The following EEF1A2 variants were observed in gnomAD, a reference collection of about 807,000 sequenced individuals.
EEF1A2 encodes eukaryotic translation elongation factor 1 alpha 2.
EEF1A2 carries 5 observed loss-of-function variants against 39.3 expected under a neutral mutation model. The observed-to-expected ratio is 0.13, with a 90% CI of 0.07 to 0.27. The LOEUF (loss-of-function observed/expected upper bound fraction) is 0.27. Among genes scored for constraint, EEF1A2 ranks in the 10% least tolerant of loss-of-function variants. EEF1A2 has a pLI of 1.00. For missense variants in EEF1A2, 218 were observed against 681.4 expected, an observed-to-expected ratio of 0.32 and a Z score of 7.57; for synonymous variants, 287 against 293.7, an observed-to-expected ratio of 0.98 and a Z score of 0.23.
Position 63,497,598 on chromosome 20 carries a change from G to C in EEF1A2, c.144+22C>G. On this transcript the variant is annotated intron_variant, in intron 2 of 7. Transcript: ENST00000217182. This position sits in a 1 kb window ranked among gnomAD's most constrained non-coding sequence, Gnocchi z 7.3. ...TGGGGGTTCCTTCTCAGGGGGCCAA[G>C]ACCATAGCCTGGGGAGCTCACCTCA... The C allele has an allele frequency of 6.2e-7, 1 of 1,606,244 alleles. No homozygotes were observed.
Position 63,498,303 on chromosome 20 carries a change from T to C in EEF1A2, c.-71-469A>G. 1 of 151,706 alleles carries C rather than the reference T, an allele frequency of 6.6e-6. No individual in the cohort carries two copies. Among genetic ancestry groups the C allele is most frequent in the Admixed American group, 6.6e-5 (1 of 15,256 alleles). The allele number at this position is 151,706 out of a possible 1,614,324, so 9.4% of individuals were successfully genotyped here. On this transcript the variant is annotated intron_variant, in intron 1 of 7. Transcript: ENST00000217182. This position sits in a 1 kb window ranked among gnomAD's most constrained non-coding sequence, Gnocchi z 4.1. ...GGGAGAGATGGCCACTGCTCCCCAC[T>C]CCCCTCCTCAGGCAGGGACGGCGCC...
intron 5 of EEF1A2, 146 bp downstream of exon 5, chr20:63,492,991 G>T: frequency 1.8e-6 from 2 of 1,094,786 alleles, no homozygotes; most frequent in Middle Eastern, 3.2e-4. Context: ...ATGGATGGAT[G>T]GATGTGGGAT....
intron 5 of EEF1A2, among the ~76,000 whole-genome samples, chr20:63,492,595 T>C (rs1193301523): frequency 8.0e-6 from 1 of 125,736 alleles, no homozygotes; most frequent in African/African-American, 3.4e-5. Flanking sequence ...GATGGATGCA[T>C]GGATGGATGG....
At chr20:63,490,204 C>A (rs575077061) in intron 6 of EEF1A2, 7 of 353,850 alleles carry the variant, frequency 2.0e-5, no homozygotes, top group African/African-American at 1.4e-4. Context: ...ATAGCTGGGA[C>A]TACAGGCACG....
At chr20:63,491,940 GGA>G in intron 5 of EEF1A2, among the ~76,000 whole-genome samples, 1 of 134,534 alleles carries the variant, frequency 7.4e-6, no homozygotes, top group Non-Finnish European at 1.6e-5. Context: ...ATGGATGGAT[GGA>G]CGGACGGATG....
Position 63,489,049 on chromosome 20 carries a change from T to A in EEF1A2, c.1133A>T (p.Lys378Met). The part of the protein sequence containing the change: ...IACKFAELKE[K>M]IDRRSGKKLE... ...CTTCTTGCCAGAGCGCCGGTCAATC[T>A]TCTCCTTCAGCTCCGCAAACTTGCA... Residue 378 changes from lysine (K) to methionine (M), a missense_variant, in exon 7 of 8, where the codon AAG becomes ATG. Lys to Met is a moderately conservative substitution (Grantham distance 95). Transcript: ENST00000217182. 1 of 1,612,794 alleles carries A rather than the reference T, an allele frequency of 6.2e-7. No homozygotes were observed. The highest frequency in any genetic ancestry group is 8.5e-7 in the Non-Finnish European group (1 of 1,179,936).
intron 2 of EEF1A2, 54 bp from the exon 3 acceptor site, chr20:63,496,089 TG>T: frequency 6.3e-7 from 1 of 1,592,628 alleles, no homozygotes; most frequent in Non-Finnish European, 8.6e-7. Context: ...CAGGAGTCCC[TG>T]GTGGTGCGAG....
chr20:63,488,280 GC>G lies in EEF1A2; in HGVS notation c.*17del. 8.3e-7 allele frequency: 1 copy of G among 1,208,288 alleles called. No homozygotes were observed. Among genetic ancestry groups the G allele is most frequent in the African/African-American group, 1.6e-5 (1 of 61,264 alleles). The allele number at this position is 1,208,288 out of a possible 1,614,324, so 74.8% of individuals were successfully genotyped here. On this transcript the variant is annotated 3_prime_UTR_variant, in exon 8 of 8. Coordinates refer to ENST00000217182, the MANE Select transcript of EEF1A2 (RefSeq NM_001958.5). ...GCGCGGCACCGCCGGGGAGGGTCGC[GC>G]CGCGGGCGCCCGCGCTTCACTTGCC...
Position 63,497,494 on chromosome 20 carries a change from G to C in EEF1A2, c.144+126C>G. 7.0e-7 allele frequency: 1 copy of C among 1,435,426 alleles called. No individual in the cohort carries two copies. Among genetic ancestry groups the C allele is most frequent in the Non-Finnish European group, 9.3e-7 (1 of 1,072,904 alleles). 88.9% of individuals were successfully genotyped at this position (1,435,426 alleles called of 1,614,324 possible). ...GAGGCCTGAGTGCCCCACAGCGGGGGTCCCTCCTGCCCTGGAGGAGGTCAC... is the reference window on the plus strand; with the variant it reads ...GAGGCCTGAGTGCCCCACAGCGGGGCTCCCTCCTGCCCTGGAGGAGGTCAC... On this transcript the variant is annotated intron_variant, in intron 2 of 7. Coordinates refer to ENST00000217182, the MANE Select transcript of EEF1A2 (RefSeq NM_001958.5). The surrounding 1 kb of genome is among the most constrained non-coding windows in gnomAD (Gnocchi z 7.3).
At chr20:63,494,755 A>AG in intron 4 of EEF1A2, 50 bp downstream of exon 4, 2 of 1,571,234 alleles carry the variant, frequency 1.3e-6, no homozygotes, top group Non-Finnish European at 1.7e-6. Context: ...GCTCTGGGCC[A>AG]GGGGGTCCAG....
At chr20:63,489,818 C>A (rs908567331) in intron 6 of EEF1A2, among the ~76,000 whole-genome samples, 1 of 152,196 alleles carries the variant, frequency 6.6e-6, no homozygotes, top group Non-Finnish European at 1.5e-5. Context: ...AAGAGGCCAG[C>A]AAAGAGGGGC....
chr20:63,488,219 C>A lies in EEF1A2; in HGVS notation c.*79G>T. 1 of 764,448 alleles carries A rather than the reference C, an allele frequency of 1.3e-6. No homozygotes were observed. Among genetic ancestry groups the A allele is most frequent in the Non-Finnish European group, 1.4e-6 (1 of 698,778 alleles). 47.4% of individuals were successfully genotyped at this position (764,448 alleles called of 1,614,324 possible). A position where few individuals can be genotyped will look rare whatever the true frequency, so the allele number is the denominator to read the frequency against. ...CGGGGCGCCGGACCGGCGCGCGGGG[C>A]GGGGGCGGGGCGGGGGCCCGGGCCC... On this transcript the variant is annotated 3_prime_UTR_variant, in exon 8 of 8. Transcript: ENST00000217182.
At chr20:63,496,171 G>A in intron 2 of EEF1A2, 136 bp from the exon 3 acceptor site, 2 of 1,068,642 alleles carry the variant, frequency 1.9e-6, no homozygotes, top group Admixed American at 5.1e-5. Context: ...CTCCGTCGGG[G>A]TCCTGGGACG....
intron 6 of EEF1A2, chr20:63,490,061 C>G (rs992932736): frequency 6.5e-6 from 1 of 152,696 alleles, no homozygotes; most frequent in African/African-American, 2.6e-5. Context: ...TATGCGGGTC[C>G]CTTTTCTTTT....
Position 63,497,457 on chromosome 20 carries a change from A to G in EEF1A2, c.144+163T>C. The G allele has an allele frequency of 8.7e-7, 1 of 1,146,190 alleles. No homozygotes were observed. The highest frequency in any genetic ancestry group is 1.6e-5 in the African/African-American group (1 of 64,026). 71.0% of individuals were successfully genotyped at this position (1,146,190 alleles called of 1,614,324 possible). On this transcript the variant is annotated intron_variant, in intron 2 of 7. Transcript: ENST00000217182. This position sits in a 1 kb window ranked among gnomAD's most constrained non-coding sequence, Gnocchi z 7.3. ...CTCCCCCTAAGAGAGAGGCTGCCCCACCAGACCCTCTGAGGCCTGAGTGCC... is the reference window on the plus strand; with the variant it reads ...CTCCCCCTAAGAGAGAGGCTGCCCCGCCAGACCCTCTGAGGCCTGAGTGCC...
chr20:63,497,471 G>T lies in EEF1A2; in HGVS notation c.144+149C>A. On this transcript the variant is annotated intron_variant, in intron 2 of 7. Transcript: ENST00000217182. This position sits in a 1 kb window ranked among gnomAD's most constrained non-coding sequence, Gnocchi z 7.3. ...GAGGCTGCCCCACCAGACCCTCTGA[G>T]GCCTGAGTGCCCCACAGCGGGGGTC... 7.7e-7 allele frequency: 1 copy of T among 1,294,602 alleles called. No homozygotes were observed. Among genetic ancestry groups the T allele is most frequent in the Non-Finnish European group, 1.0e-6 (1 of 956,094 alleles). 80.2% of individuals were successfully genotyped at this position (1,294,602 alleles called of 1,614,324 possible). A position where few individuals can be genotyped will look rare whatever the true frequency, so the allele number is the denominator to read the frequency against.
rs376891760 is a variant in EEF1A2, at chr20:63,494,865, G to A, written c.561C>T (p.Thr187=). 4.0e-4 allele frequency: 649 copies of A among 1,612,702 alleles called. 13 individuals are homozygous for A. The South Asian group carries it at 6.3e-3, about 16-fold the overall frequency. The change falls in exon 4 of 8, where the codon ACC becomes ACT. Residue 187 remains threonine, a synonymous_variant. Coordinates refer to ENST00000217182, the MANE Select transcript of EEF1A2 (RefSeq NM_001958.5). ...YIKKIGYNPA[T]VPFVPISGWH... The stretch of plus-strand genomic sequence containing the variant: ...AGCCGGAGATGGGCACAAAGGGCAC[G>A]GTGGCCGGGTTGTAGCCGATCTTCT...
rs1344702903 is a variant in EEF1A2, at chr20:63,488,208, G to T, written c.*90C>A. 19 of 866,000 alleles carry T rather than the reference G, an allele frequency of 2.2e-5. No homozygotes were observed. Among genetic ancestry groups the T allele is most frequent in the Non-Finnish European group, 2.4e-5 (18 of 735,534 alleles). The allele number at this position is 866,000 out of a possible 1,614,324, so 53.6% of individuals were successfully genotyped here. On this transcript the variant is annotated 3_prime_UTR_variant, in exon 8 of 8. Transcript: ENST00000217182. ...TGGCGGGGGTGCGGGGCGCCGGACCGGCGCGCGGGGCGGGGGCGGGGCGGG... is the reference window on the plus strand; with the variant it reads ...TGGCGGGGGTGCGGGGCGCCGGACCTGCGCGCGGGGCGGGGGCGGGGCGGG...
chr20:63,494,737 G>A (rs866549403), intron 4 of EEF1A2, 68 bp downstream of exon 4: 231 of 1,533,558 alleles, frequency 1.5e-4, no homozygotes, highest in Middle Eastern at 1.5e-3. Context: ...GCCACCTGCC[G>A]GTGCCTCGCT....
Sources: allele counts gnomAD v4.1 joint callset (sites outside exome capture counted in the v4.1 genomes callset), GRCh38; gene constraint gnomAD v4.1.1; non-coding constraint Gnocchi (gnomAD v3.1); transcripts MANE v1.5; gene names NCBI Gene and HGNC (gene_info 2026-07-23, HGNC 2026-07-21).